The following FBXW8 variants were observed in gnomAD, a reference collection of about 807,000 sequenced individuals.
FBXW8 encodes the protein F-box and WD repeat domain containing 8.
FBXW8 carries 57 observed loss-of-function variants against 65.3 expected under a neutral mutation model. The ratio of observed to expected loss-of-function variants is 0.87; its 90% CI spans 0.71 to 1.09. The LOEUF is 1.09. FBXW8 is among the 50% of genes least tolerant of loss of function. FBXW8 has a pLI of 0.00. For missense variants in FBXW8, 777 were observed against 814.8 expected (o/e 0.95, Z 0.57); for synonymous variants, 308 against 330.2 (o/e 0.93, Z 0.73).
intron 4 of FBXW8, among the ~76,000 whole-genome samples, chr12:116,958,539 G>T (rs1883792995): frequency 6.6e-6 from 1 of 152,180 alleles, no homozygotes; most frequent in South Asian, 2.1e-4. Context: ...CACTAAGCAT[G>T]GATGAATACC....
intron 1 of FBXW8, among the ~76,000 whole-genome samples, chr12:116,919,858 T>C (rs1880744437): frequency 6.6e-6 from 1 of 152,256 alleles, no homozygotes; most frequent in Admixed American, 6.5e-5. Flanking sequence ...TCACTCACCA[T>C]GTCAATATTT....
chr12:116,911,313 C>CG lies in FBXW8; in HGVS notation c.281dup (p.Gly95ArgfsTer14). 2 of 1,284,208 alleles carry CG rather than the reference C, an allele frequency of 1.6e-6. No homozygotes were observed. The highest frequency in any genetic ancestry group is 2.0e-6 in the Non-Finnish European group (2 of 1,018,428). The allele number at this position is 1,284,208 out of a possible 1,614,324, so 79.6% of individuals were successfully genotyped here. ...GTTCTCCTCTGGCCCGCGAGGGCGC[C>CG]GGGGGCGGGGAGCAGCTGGTGGACC... On this transcript the variant is annotated frameshift_variant, in exon 1 of 11. Transcript: ENST00000652555. LOFTEE classifies it high-confidence loss of function.
chr12:116,912,745 G>C (rs1248328237), intron 1 of FBXW8, among the ~76,000 whole-genome samples: 1 of 152,088 alleles, frequency 6.6e-6, no homozygotes, highest in East Asian at 1.9e-4. Context: ...TTACAGGCGT[G>C]AGCCACCGCG....
intron 1 of FBXW8, among the ~76,000 whole-genome samples, chr12:116,911,757 C>A (rs1879964459): frequency 6.6e-6 from 1 of 152,102 alleles, no homozygotes. Flanking sequence ...GCTACCTAAA[C>A]TTTGAACAAA....
intron 1 of FBXW8, among the ~76,000 whole-genome samples, chr12:116,919,605 G>T (rs989961309): frequency 6.6e-6 from 1 of 152,266 alleles, no homozygotes; most frequent in East Asian, 1.9e-4. Context: ...TCCGCCTCTT[G>T]TGAATCCCTG....
At chr12:116,991,862 A>AT (rs556336946) in intron 7 of FBXW8, among the ~76,000 whole-genome samples, 12 of 152,202 alleles carry the variant, frequency 7.9e-5, no homozygotes, top group Non-Finnish European at 1.8e-4. Context: ...CAGAGGTGTA[A>AT]TTTTTGTTTA....
intron 8 of FBXW8, among the ~76,000 whole-genome samples, chr12:117,023,546 G>A (rs1376951880): frequency 6.6e-6 from 1 of 151,204 alleles, no homozygotes; most frequent in African/African-American, 2.5e-5. Flanking sequence ...TTAAAGAAAT[G>A]GGGATTATTA....
chr12:117,024,590 T>A (rs1229068274), intron 9 of FBXW8, among the ~76,000 whole-genome samples: 3 of 152,236 alleles, frequency 2.0e-5, no homozygotes, highest in African/African-American at 7.2e-5. Flanking sequence ...CAGGCCCAGC[T>A]TTCTCTAAGA....
At chr12:116,935,907 T>TTA (rs1409715114) in intron 2 of FBXW8, among the ~76,000 whole-genome samples, 2 of 152,232 alleles carry the variant, frequency 1.3e-5, no homozygotes, top group Non-Finnish European at 2.9e-5. Flanking sequence ...AAAGTTGGAC[T>TTA]TACACTTTTA....
intron 9 of FBXW8, among the ~76,000 whole-genome samples, chr12:117,026,556 G>C (rs1388707980): frequency 1.3e-5 from 2 of 152,132 alleles, no homozygotes; most frequent in Non-Finnish European, 2.9e-5. Context: ...TAGTCAAGGA[G>C]AGCAGCCCTG....
intron 2 of FBXW8, among the ~76,000 whole-genome samples, chr12:116,932,250 A>G (rs1881827052): frequency 6.6e-6 from 1 of 152,216 alleles, no homozygotes; most frequent in Non-Finnish European, 1.5e-5. Context: ...TCCATTCTCC[A>G]TAACTGCCAA....
intron 9 of FBXW8, 46 bp from the exon 10 acceptor site, chr12:117,027,348 G>A (rs1954256221): frequency 2.1e-6 from 3 of 1,458,930 alleles, no homozygotes; most frequent in South Asian, 2.3e-5. Context: ...AGCAAGTGCA[G>A]GCCCAGTGGA....
intron 1 of FBXW8, among the ~76,000 whole-genome samples, chr12:116,921,853 GCTCT>G (rs1385439402): frequency 7.3e-6 from 1 of 136,580 alleles, no homozygotes; most frequent in Non-Finnish European, 1.5e-5. Context: ...TTTTAGACAG[GCTCT>G]CTCTCGCTTT....
At chr12:116,978,730 T>C (rs1284052758) in intron 5 of FBXW8, 1 of 152,222 alleles carries the variant, frequency 6.6e-6, no homozygotes, top group Non-Finnish European at 1.5e-5. Context: ...GACTAGTCTA[T>C]GACCTTTCGA....
At chr12:116,943,973 G>T (rs1307050695) in intron 2 of FBXW8, among the ~76,000 whole-genome samples, 2 of 152,148 alleles carry the variant, frequency 1.3e-5, no homozygotes, top group Admixed American at 1.3e-4. Context: ...TGCCAGCCAG[G>T]TCAAATGGTG....
intron 7 of FBXW8, among the ~76,000 whole-genome samples, chr12:117,001,683 A>G (rs1953524181): frequency 2.0e-5 from 3 of 152,056 alleles, no homozygotes; most frequent in Admixed American, 2.0e-4. Context: ...GACACTGCCC[A>G]TGCTCTCTGT....
chr12:116,929,894 A>G (rs1366890804), intron 2 of FBXW8, among the ~76,000 whole-genome samples: 1 of 152,208 alleles, frequency 6.6e-6, no homozygotes, highest in East Asian at 1.9e-4. Context: ...CTATGAGCTC[A>G]ACTTTTTTAG....
intron 7 of FBXW8, among the ~76,000 whole-genome samples, chr12:117,008,956 A>G (rs901723299): frequency 2.0e-5 from 3 of 152,144 alleles, no homozygotes; most frequent in Non-Finnish European, 2.9e-5. Flanking sequence ...AGTCCCACCT[A>G]CTCAGGAGGC....
chr12:116,995,221 A>G (rs1304151341), intron 7 of FBXW8, among the ~76,000 whole-genome samples: 2 of 152,218 alleles, frequency 1.3e-5, no homozygotes, highest in Non-Finnish European at 2.9e-5. Context: ...GTACGCGGAC[A>G]TGCTCCCCTT....
Sources: allele counts gnomAD v4.1 joint callset (sites outside exome capture counted in the v4.1 genomes callset), GRCh38; gene constraint gnomAD v4.1.1; transcripts MANE v1.5; gene names NCBI Gene and HGNC (gene_info 2026-07-23, HGNC 2026-07-21).